The following CNTN5 variants were observed in gnomAD, a reference collection of about 807,000 sequenced individuals.
CNTN5 encodes the protein contactin-5.
In CNTN5, 77 loss-of-function variants were observed where a neutral mutation model predicts 129.1. The observed-to-expected ratio is 0.60, with a 90% CI of 0.50 to 0.72. The LOEUF (loss-of-function observed/expected upper bound fraction) is 0.72, where lower values mean the gene tolerates loss of function less well. CNTN5 is among the 30% of genes least tolerant of loss of function. The pLI is 0.00. For missense variants in CNTN5, 1,478 were observed against 1,328.8 expected (o/e 1.11, Z -1.75); for synonymous variants, 509 against 465.6 (o/e 1.09, Z -1.20).
intron 4 of CNTN5, among the ~76,000 whole-genome samples, chr11:99,829,756 C>G (rs1423676413): frequency 1.3e-5 from 2 of 152,096 alleles, no homozygotes; most frequent in African/African-American, 2.4e-5. Context: ...CAAAGAGTGA[C>G]ATTTAAGTGA....
chr11:100,290,937 A>T (rs1162538597), intron 18 of CNTN5, among the ~76,000 whole-genome samples: 7 of 152,050 alleles, frequency 4.6e-5, no homozygotes, highest in African/African-American at 1.4e-4. Flanking sequence ...CCCATCAAAC[A>T]GTGGGCAAAG....
intron 2 of CNTN5, among the ~76,000 whole-genome samples, chr11:99,449,791 C>A (rs767709613): frequency 5.6e-4 from 85 of 152,082 alleles, no homozygotes; most frequent in Non-Finnish European, 9.7e-4. Flanking sequence ...ATTCCCCAAG[C>A]GCTTATAAAA....
chr11:99,057,509 T>C (rs1451465826), intron 1 of CNTN5, among the ~76,000 whole-genome samples: 1 of 152,122 alleles, frequency 6.6e-6, no homozygotes, highest in Non-Finnish European at 1.5e-5. Context: ...TCTAGGTGAC[T>C]GAAACCTATC....
At chr11:99,036,886 T>C (rs958109155) in intron 1 of CNTN5, among the ~76,000 whole-genome samples, 31 of 152,236 alleles carry the variant, frequency 2.0e-4, no homozygotes, top group Admixed American at 2.0e-3. Context: ...AGTGATGTTC[T>C]GAGTTGATCT....
intron 3 of CNTN5, among the ~76,000 whole-genome samples, chr11:99,567,012 T>G (rs562637484): frequency 6.6e-6 from 1 of 152,200 alleles, no homozygotes. Flanking sequence ...TATCTTTTCC[T>G]TGACTAAATT....
chr11:100,097,170 T>C (rs1945038138), intron 13 of CNTN5, among the ~76,000 whole-genome samples: 1 of 152,156 alleles, frequency 6.6e-6, no homozygotes, highest in Admixed American at 6.6e-5. Context: ...AATCCTAATA[T>C]ATCACAATTC....
At chr11:99,360,768 T>C (rs1351178978) in intron 2 of CNTN5, among the ~76,000 whole-genome samples, 2 of 152,228 alleles carry the variant, frequency 1.3e-5, no homozygotes, top group African/African-American at 4.8e-5. Context: ...ATCAAAAGGT[T>C]GCTTGGCCAC....
chr11:100,311,268 A>G (rs751615767), intron 21 of CNTN5, among the ~76,000 whole-genome samples: 4 of 151,870 alleles, frequency 2.6e-5, no homozygotes, highest in Non-Finnish European at 5.9e-5. Context: ...AAAAGATGAG[A>G]CAAAGATAAT....
chr11:100,038,560 C>T lies in CNTN5; in HGVS notation c.981-22652C>T, dbSNP rs547045682. On this transcript the variant is annotated intron_variant, in intron 9 of 24. Coordinates refer to ENST00000524871, the MANE Select transcript of CNTN5 (RefSeq NM_014361.4). ...GTCTTGTTGATCTGTCTAATGTTGA[C>T]AGTGAGGTGTTAAAATCTCCCATTA... Among the ~76,000 whole-genome samples, 4 of 152,246 alleles carry T rather than the reference C, an allele frequency of 2.6e-5. No homozygotes were observed. The South Asian group carries it at 6.2e-4, about 24-fold the overall frequency.
At chr11:99,546,697 T>A (rs1479381900) in intron 2 of CNTN5, among the ~76,000 whole-genome samples, 1 of 152,168 alleles carries the variant, frequency 6.6e-6, no homozygotes, top group Non-Finnish European at 1.5e-5. Flanking sequence ...TTTAATAAAA[T>A]TCACACTCCT....
At chr11:99,628,667 A>G (rs1951225771) in intron 3 of CNTN5, among the ~76,000 whole-genome samples, 1 of 148,854 alleles carries the variant, frequency 6.7e-6, no homozygotes, top group Non-Finnish European at 1.5e-5. Flanking sequence ...GAGATAAATA[A>G]TATTTATCAA....
At chr11:99,153,078 C>T (rs896484682) in intron 1 of CNTN5, among the ~76,000 whole-genome samples, 6 of 152,066 alleles carry the variant, frequency 3.9e-5, no homozygotes, top group African/African-American at 1.4e-4. Flanking sequence ...TTTAACATTT[C>T]TTCTTTTGTT....
intron 1 of CNTN5, among the ~76,000 whole-genome samples, chr11:99,147,907 C>T (rs1049793198): frequency 5.3e-5 from 8 of 151,820 alleles, no homozygotes; most frequent in African/African-American, 1.7e-4. Flanking sequence ...ATGACAGATG[C>T]TAACGTATTT....
intron 2 of CNTN5, among the ~76,000 whole-genome samples, chr11:99,524,584 G>C (rs533481974): frequency 1.1e-4 from 17 of 152,144 alleles, no homozygotes; most frequent in African/African-American, 3.9e-4. Flanking sequence ...GGCTGAGGCA[G>C]GCAGATTACT....
intron 8 of CNTN5, among the ~76,000 whole-genome samples, chr11:99,962,924 T>G (rs545475687): frequency 6.6e-6 from 1 of 150,950 alleles, no homozygotes; most frequent in East Asian, 1.9e-4. Context: ...ATGAGCATTT[T>G]TTCATGTGTT....
At chr11:100,332,323 G>A (rs1398675299) in intron 21 of CNTN5, among the ~76,000 whole-genome samples, 10 of 151,818 alleles carry the variant, frequency 6.6e-5, no homozygotes, top group African/African-American at 9.7e-5. Flanking sequence ...AATGAGCAGC[G>A]AGATTAAAAT....
chr11:99,130,529 C>T (rs1409944727), intron 1 of CNTN5, among the ~76,000 whole-genome samples: 1 of 152,066 alleles, frequency 6.6e-6, no homozygotes, highest in East Asian at 1.9e-4. Context: ...GAATGTAATG[C>T]CCTACTGTCA....
At chr11:99,376,356 A>T (rs1303488145) in intron 2 of CNTN5, among the ~76,000 whole-genome samples, 4 of 152,176 alleles carry the variant, frequency 2.6e-5, no homozygotes, top group African/African-American at 9.7e-5. Flanking sequence ...GATGAAGGTG[A>T]GATCTGTTCC....
intron 21 of CNTN5, 22 bp from the exon 22 acceptor site, chr11:100,340,441 C>A: frequency 6.4e-7 from 1 of 1,571,834 alleles, no homozygotes; most frequent in South Asian, 1.2e-5. Context: ...AATTAACCTG[C>A]CATGTGATAA....
Sources: allele counts gnomAD v4.1 joint callset (sites outside exome capture counted in the v4.1 genomes callset), GRCh38; gene constraint gnomAD v4.1.1; transcripts MANE v1.5; gene names NCBI Gene and HGNC (gene_info 2026-07-23, HGNC 2026-07-21).